PCDHGA9: variants seen among roughly 807,000 people sequenced by gnomAD.
PCDHGA9 encodes protocadherin gamma subfamily A, 9.
In PCDHGA9, 37 loss-of-function variants were observed where a neutral mutation model predicts 62.5. The ratio of observed to expected loss-of-function variants is 0.59; its 90% CI spans 0.46 to 0.78. The LOEUF (loss-of-function observed/expected upper bound fraction) is 0.78. PCDHGA9 is among the 30% of genes least tolerant of loss of function. PCDHGA9 has a pLI of 0.00. For synonymous variants in PCDHGA9, 459 were observed against 484.6 expected (o/e 0.95, Z 0.69); for missense variants, 1,138 against 1,166.2 (o/e 0.98, Z 0.35).
In PCDHGA9 at chr5:141,486,757, C is replaced by A; in HGVS notation, c.2425-8050C>A. 5 of 1,614,228 alleles carry A rather than the reference C, an allele frequency of 3.1e-6. No homozygotes were observed. Among genetic ancestry groups the A allele is most frequent in the Non-Finnish European group, 4.2e-6 (5 of 1,180,036 alleles). ...CTCGATCCTTTGACTATGAGCAAAC[C>A]CAGACACTGCAGTTTGAGGTGCAGG... On this transcript the variant is annotated intron_variant, in intron 1 of 3. Coordinates refer to ENST00000573521, the MANE Select transcript of PCDHGA9 (RefSeq NM_018921.3). This position sits in a 1 kb window ranked among gnomAD's most constrained non-coding sequence, Gnocchi z 5.0.
rs1321974739 is a variant in PCDHGA9, at chr5:141,432,755, G to A, written c.2424+27379G>A. The A allele has an allele frequency of 2.5e-6, 4 of 1,614,134 alleles. No individual in the cohort carries two copies. Among genetic ancestry groups the A allele is most frequent in the African/African-American group, 1.3e-5 (1 of 75,060 alleles). On this transcript the variant is annotated intron_variant, in intron 1 of 3. Coordinates refer to ENST00000573521, the MANE Select transcript of PCDHGA9 (RefSeq NM_018921.3). This position sits in a 1 kb window ranked among gnomAD's most constrained non-coding sequence, Gnocchi z 6.0. ...TGTCACGCTCACCGTGGCCGTGGCC[G>A]ACAGCATCCCCCAAGTCCTGGCGGA...
rs1244735686 is a variant in PCDHGA9 at position 141,432,142 on chromosome 5, C to A, written c.2424+26766C>A. 1 of 1,614,098 alleles carries A rather than the reference C, an allele frequency of 6.2e-7. No homozygotes were observed. The highest frequency in any genetic ancestry group is 1.1e-5 in the South Asian group (1 of 91,066). On this transcript the variant is annotated intron_variant, in intron 1 of 3. Transcript: ENST00000573521. This position sits in a 1 kb window ranked among gnomAD's most constrained non-coding sequence, Gnocchi z 6.0. ...CTCAGGCCTCCTATTCCGCTTATAT[C>A]CCAGAGAACAATCCCAGAGGAGTTT...
At chr5:141,421,616 AC>A in intron 1 of PCDHGA9, 1 of 1,613,792 alleles carries the variant, frequency 6.2e-7, no homozygotes, top group Non-Finnish European at 8.5e-7. Context: ...ATTAATGATA[AC>A]GCCCCCAGCT....
Position 141,403,743 on chromosome 5 carries a change from C to A in PCDHGA9, c.791C>A (p.Ala264Glu), listed in dbSNP as rs1165597254. ...NVPPGTWLLT[A>E]TASDLDEGIN... The stretch of plus-strand genomic sequence containing the variant: ...CCCCCAGGCACCTGGCTGCTTACTG[C>A]AACAGCCAGCGACCTGGATGAGGGA... Residue 264 changes from alanine to glutamate, a missense_variant, in exon 1 of 4, where the codon GCA becomes GAA. Ala to Glu is a moderately radical substitution (Grantham distance 107). Coordinates refer to ENST00000573521, the MANE Select transcript of PCDHGA9 (RefSeq NM_018921.3). 6.2e-7 allele frequency: 1 copy of A among 1,613,856 alleles called. No homozygotes were observed. Among genetic ancestry groups the A allele is most frequent in the Non-Finnish European group, 8.5e-7 (1 of 1,179,886 alleles).
chr5:141,402,870 C>G lies in PCDHGA9; in HGVS notation c.-83C>G. 1 of 1,449,300 alleles carries G rather than the reference C, an allele frequency of 6.9e-7. No individual in the cohort carries two copies. The highest frequency in any genetic ancestry group is 9.1e-7 in the Non-Finnish European group (1 of 1,098,952). The allele number at this position is 1,449,300 out of a possible 1,614,324, so 89.8% of individuals were successfully genotyped here. A position where few individuals can be genotyped will look rare whatever the true frequency, so the allele number is the denominator to read the frequency against. ...CTCTTTCTTCTAAGGAAAAGATCAC[C>G]ATACTTTGCAGGGTGGAAGAAAGAA... On this transcript the variant is annotated 5_prime_UTR_variant, in exon 1 of 4. Coordinates refer to ENST00000573521, the MANE Select transcript of PCDHGA9 (RefSeq NM_018921.3).
chr5:141,505,583 T>A, intron 3 of PCDHGA9, 102 bp downstream of exon 3: 1 of 1,583,650 alleles, frequency 6.3e-7, no homozygotes, highest in Non-Finnish European at 8.6e-7. Context: ...ACCTGTGTAG[T>A]TTCTCCAGAT....
chr5:141,456,872 A>C (rs1003618586), intron 1 of PCDHGA9, among the ~76,000 whole-genome samples: 2 of 152,152 alleles, frequency 1.3e-5, no homozygotes, highest in African/African-American at 4.8e-5. Context: ...CTGAGGCAGG[A>C]GAATCGCTTG....
At chr5:141,482,801 G>C (rs1230060558) in intron 1 of PCDHGA9, among the ~76,000 whole-genome samples, 1 of 152,176 alleles carries the variant, frequency 6.6e-6, no homozygotes, top group African/African-American at 2.4e-5. Flanking sequence ...GCCGGGTACG[G>C]TGGCTCATGC....
chr5:141,451,955 A>T (rs1004010741), intron 1 of PCDHGA9, among the ~76,000 whole-genome samples: 2 of 152,196 alleles, frequency 1.3e-5, no homozygotes, highest in Admixed American at 1.3e-4. Flanking sequence ...CGAGAAAGTG[A>T]CATACCATCA....
intron 1 of PCDHGA9, among the ~76,000 whole-genome samples, chr5:141,456,105 G>T (rs2098843517): frequency 6.6e-6 from 1 of 151,978 alleles, no homozygotes; most frequent in Non-Finnish European, 1.5e-5. Context: ...CACCGTGTTA[G>T]CCAGGATGGT....
chr5:141,494,643 AG>A, intron 1 of PCDHGA9, 163 bp from the exon 2 acceptor site: 1 of 928,048 alleles, frequency 1.1e-6, no homozygotes, highest in Non-Finnish European at 1.3e-6. Flanking sequence ...CTGAGACCTG[AG>A]GTGTATTTTG....
intron 3 of PCDHGA9, among the ~76,000 whole-genome samples, chr5:141,510,378 C>A (rs919650449): frequency 6.6e-6 from 1 of 151,786 alleles, no homozygotes; most frequent in East Asian, 2.0e-4. Flanking sequence ...TCTACTCGTG[C>A]CAGGCCTTGC....
In PCDHGA9 at chr5:141,421,851, T is replaced by A. The variant is rs771169063; in HGVS notation, c.2424+16475T>A. 16 of 1,613,596 alleles carry A rather than the reference T, an allele frequency of 9.9e-6. No homozygotes were observed. The Middle Eastern group carries it at 4.9e-4, about 50-fold the overall frequency. On this transcript the variant is annotated intron_variant, in intron 1 of 3. Coordinates refer to ENST00000573521, the MANE Select transcript of PCDHGA9 (RefSeq NM_018921.3). ...GCCTGGACCGAGAGAAAGAGGCTGC[T>A]CACCTGCTCCTCCTCACAGCTTTAG...
At position 141,494,758 on chromosome 5, in the gene PCDHGA9, T is replaced by C. The variant is rs370692038; in HGVS notation, c.2425-49T>C. ...CCATCCCTAGGGGCTCGGGTGACAT[T>C]CTAACTTCTCACGGGTACTCAGCCC... On this transcript the variant is annotated intron_variant, in intron 1 of 3. Transcript: ENST00000573521. The C allele has an allele frequency of 1.3e-5, 21 of 1,613,682 alleles. No homozygotes were observed. The African/African-American group carries it at 2.7e-4, about 21-fold the overall frequency.
chr5:141,457,694 C>T (rs891323419), intron 1 of PCDHGA9, among the ~76,000 whole-genome samples: 4 of 152,214 alleles, frequency 2.6e-5, no homozygotes, highest in Non-Finnish European at 5.9e-5. Context: ...TTTGGATTGG[C>T]TTTGATGAAA....
chr5:141,475,980 C>G (rs758066578), intron 1 of PCDHGA9: 3 of 1,028,500 alleles, frequency 2.9e-6, no homozygotes, highest in Admixed American at 2.4e-5. Context: ...ACTGAACAGC[C>G]GGCGAGCAAA....
intron 1 of PCDHGA9, chr5:141,441,662 C>T: frequency 3.8e-6 from 1 of 260,740 alleles, no homozygotes; most frequent in Non-Finnish European, 7.7e-6. Flanking sequence ...TGTCCTTGAG[C>T]GCACAGTGCG....
intron 1 of PCDHGA9, chr5:141,419,727 C>G (rs1344063538): frequency 6.2e-7 from 1 of 1,613,582 alleles, no homozygotes; most frequent in Admixed American, 1.7e-5. Flanking sequence ...GGGCTGCGAA[C>G]AGGCGAGGTG....
At chr5:141,412,434 A>C (rs2095556498) in intron 1 of PCDHGA9, 1 of 152,240 alleles carries the variant, frequency 6.6e-6, no homozygotes, top group Admixed American at 6.5e-5. Flanking sequence ...CAAAAAGGTT[A>C]ATTAAGGCTC....
Sources: allele counts gnomAD v4.1 joint callset (sites outside exome capture counted in the v4.1 genomes callset), GRCh38; gene constraint gnomAD v4.1.1; non-coding constraint Gnocchi (gnomAD v3.1); transcripts MANE v1.5; gene names NCBI Gene and HGNC (gene_info 2026-07-23, HGNC 2026-07-21).